ROBO1: variants seen among roughly 807,000 people sequenced by gnomAD.
The protein encoded by ROBO1 is roundabout guidance receptor 1.
A neutral mutation model predicts 195.9 loss-of-function variants in ROBO1; 149 were observed. That is an observed-to-expected ratio of 0.76 (90% CI 0.67 to 0.87). The LOEUF (loss-of-function observed/expected upper bound fraction) is 0.87, where lower values mean the gene tolerates loss of function less well. ROBO1 is among the 40% of genes least tolerant of loss of function. The pLI is 0.00. For missense variants in ROBO1, 1,933 were observed against 2,068.3 expected, an observed-to-expected ratio of 0.93 and a Z score of 1.27; for synonymous variants, 816 against 733.2, an observed-to-expected ratio of 1.11 and a Z score of -1.82.
At chr3:79,616,867 A>C (rs1944839334) in intron 1 of ROBO1, among the ~76,000 whole-genome samples, 1 of 151,978 alleles carries the variant, frequency 6.6e-6, no homozygotes, top group Admixed American at 6.6e-5. Context: ...CTCATGTCCC[A>C]CTCCATATGT....
At chr3:79,328,462 C>G (rs1283696797) in intron 2 of ROBO1, among the ~76,000 whole-genome samples, 3 of 151,856 alleles carry the variant, frequency 2.0e-5, no homozygotes. Flanking sequence ...ACAATTTTTC[C>G]AAAACACTGG....
intron 4 of ROBO1, among the ~76,000 whole-genome samples, chr3:78,758,363 T>C (rs2082994549): frequency 6.6e-6 from 1 of 151,270 alleles, no homozygotes. Context: ...CTACAAAAAA[T>C]ATATATAAAA....
intron 2 of ROBO1, among the ~76,000 whole-genome samples, chr3:79,143,235 C>A (rs1371588136): frequency 6.6e-6 from 1 of 151,972 alleles, no homozygotes; most frequent in Non-Finnish European, 1.5e-5. Context: ...CTAAAAATAA[C>A]CCGACAGCCT....
chr3:79,667,019 T>G (rs902026415), intron 1 of ROBO1, among the ~76,000 whole-genome samples: 5 of 151,900 alleles, frequency 3.3e-5, no homozygotes, highest in Admixed American at 2.6e-4. Context: ...TACACAAAAT[T>G]TCTTCAAATA....
At chr3:78,750,945 G>A (rs892044459) in intron 4 of ROBO1, among the ~76,000 whole-genome samples, 3 of 152,074 alleles carry the variant, frequency 2.0e-5, no homozygotes, top group African/African-American at 7.2e-5. Context: ...ATTTTTTGTT[G>A]TTTTGCTTGT....
chr3:78,624,059 TTAAA>T (rs1265139391), intron 26 of ROBO1, among the ~76,000 whole-genome samples: 5 of 152,240 alleles, frequency 3.3e-5, no homozygotes, highest in Admixed American at 2.0e-4. Context: ...AAGGAGTTGG[TTAAA>T]TAGAGTTACA....
At chr3:79,255,995 G>T (rs1380751401) in intron 2 of ROBO1, among the ~76,000 whole-genome samples, 2 of 152,176 alleles carry the variant, frequency 1.3e-5, no homozygotes, top group Non-Finnish European at 2.9e-5. Context: ...GGTAGAAATT[G>T]TAATAAGGAA....
intron 3 of ROBO1, among the ~76,000 whole-genome samples, chr3:79,036,081 G>T (rs1179069962): frequency 1.3e-5 from 2 of 152,030 alleles, no homozygotes; most frequent in Non-Finnish European, 2.9e-5. Context: ...TTTGACATGG[G>T]TTAACAAATT....
At chr3:78,868,843 G>A (rs1269559363) in intron 4 of ROBO1, among the ~76,000 whole-genome samples, 2 of 152,106 alleles carry the variant, frequency 1.3e-5, no homozygotes, top group African/African-American at 4.8e-5. Flanking sequence ...GTATGTAGAT[G>A]TCAAAAAGGC....
chr3:79,646,613 C>T (rs1429346406), intron 1 of ROBO1, among the ~76,000 whole-genome samples: 1 of 152,116 alleles, frequency 6.6e-6, no homozygotes. Context: ...CACTCCCATG[C>T]TTATGGCAGC....
intron 14 of ROBO1, among the ~76,000 whole-genome samples, chr3:78,666,042 G>A (rs900737193): frequency 2.6e-5 from 4 of 152,078 alleles, no homozygotes; most frequent in South Asian, 2.1e-4. Context: ...TGCTGTTCTC[G>A]TGATAGTGAG....
intron 2 of ROBO1, among the ~76,000 whole-genome samples, chr3:79,427,566 G>T (rs1157798365): frequency 6.6e-6 from 1 of 152,084 alleles, no homozygotes; most frequent in African/African-American, 2.4e-5. Context: ...TAAAAATGGA[G>T]ATGCTTTGGC....
At chr3:78,894,819 C>A (rs2037134661) in intron 4 of ROBO1, among the ~76,000 whole-genome samples, 2 of 152,186 alleles carry the variant, frequency 1.3e-5, no homozygotes, top group Admixed American at 6.5e-5. Context: ...GGTTTAGGCC[C>A]ACCTCAGGCA....
intron 2 of ROBO1, among the ~76,000 whole-genome samples, chr3:79,275,853 GA>G (rs1429543157): frequency 6.6e-6 from 1 of 150,838 alleles, no homozygotes; most frequent in Non-Finnish European, 1.5e-5. Context: ...ATCTGTAAAA[GA>G]AATCAAGAAA....
chr3:79,371,818 G>T (rs933831748), intron 2 of ROBO1, among the ~76,000 whole-genome samples: 1 of 152,138 alleles, frequency 6.6e-6, no homozygotes, highest in African/African-American at 2.4e-5. Context: ...TTATAAGGGT[G>T]GTGCCCTCAT....
chr3:79,619,642 C>T (rs1406283219), intron 1 of ROBO1, among the ~76,000 whole-genome samples: 4 of 152,100 alleles, frequency 2.6e-5, no homozygotes, highest in Non-Finnish European at 4.4e-5. Flanking sequence ...AAGGCATAGT[C>T]AGGGTACATG....
chr3:79,537,221 C>T (rs955803471), intron 2 of ROBO1, among the ~76,000 whole-genome samples: 4 of 151,830 alleles, frequency 2.6e-5, no homozygotes, highest in Non-Finnish European at 2.9e-5. Flanking sequence ...GGAACTTGAA[C>T]TCTAGCTTCT....
intron 2 of ROBO1, among the ~76,000 whole-genome samples, chr3:79,395,293 G>A (rs1380555644): frequency 3.6e-5 from 5 of 138,582 alleles, no homozygotes; most frequent in African/African-American, 1.1e-4. Flanking sequence ...CTGTACTCCA[G>A]CCTGGGCGAT....
chr3:79,500,999 C>T lies in ROBO1; in HGVS notation c.88+88825G>A, dbSNP rs2081129081. On this transcript the variant is annotated intron_variant, in intron 2 of 30. Coordinates refer to ENST00000464233, the MANE Select transcript of ROBO1 (RefSeq NM_002941.4). ...CACTCCTCCACCTCAGATGAGCCTT[C>T]CACACCCCTCACCACTCACTCACAC... Among the ~76,000 whole-genome samples the T allele has an allele frequency of 2.0e-5, 3 of 152,238 alleles. No individual in the cohort carries two copies. The South Asian group carries it at 6.2e-4, about 32-fold the overall frequency.
Sources: allele counts gnomAD v4.1 joint callset (sites outside exome capture counted in the v4.1 genomes callset), GRCh38; gene constraint gnomAD v4.1.1; transcripts MANE v1.5; gene names NCBI Gene and HGNC (gene_info 2026-07-23, HGNC 2026-07-21).